Variants in ZFYVE28 observed in about 807,000 individuals in gnomAD.
ZFYVE28 encodes the protein zinc finger FYVE-type containing 28.
ZFYVE28 carries 40 observed loss-of-function variants against 82.1 expected under a neutral mutation model. The observed-to-expected ratio is 0.49, with a 90% confidence interval of 0.38 to 0.63. The LOEUF (loss-of-function observed/expected upper bound fraction) is 0.63. ZFYVE28 is among the 30% of genes least tolerant of loss of function. The pLI is 0.00. For missense variants in ZFYVE28, 1,321 were observed against 1,242.1 expected (o/e 1.06, Z -0.96); for synonymous variants, 612 against 546.1 (o/e 1.12, Z -1.68).
At position 2,305,358 on chromosome 4, in the gene ZFYVE28, C is replaced by G. The variant is rs745812629; in HGVS notation, c.982G>C (p.Asp328His). 1 of 1,612,770 alleles carries G rather than the reference C, an allele frequency of 6.2e-7. No homozygotes were observed. Among genetic ancestry groups the G allele is most frequent in the South Asian group, 1.1e-5 (1 of 91,052 alleles). The change falls in exon 8 of 13, where the codon GAT becomes CAT. Residue 328 changes from aspartate (D) to histidine (H), a missense_variant. Coordinates refer to ENST00000290974, the MANE Select transcript of ZFYVE28 (RefSeq NM_020972.3). ...TGCATGGAGCAGGCCAGCTCTGCAT[C>G]CGGGTCTTTGGCCTTAGCTGAGAGT... ...GPLSAKAKDP[D>H]AELACSMQYD...
Position 2,417,279 on chromosome 4 carries a change from G to T in ZFYVE28, c.39+1006C>A, listed in dbSNP as rs1733171135. On this transcript the variant is annotated intron_variant, in intron 1 of 12. Transcript: ENST00000290974. The surrounding 1 kb of genome is among the most constrained non-coding windows in gnomAD (Gnocchi z 4.8). ...CGCCGGCCCCAGGGTGCCACCCTCGGACGCCCAGATGCGCCCTGGACCCTG... is the reference window on the plus strand; with the variant it reads ...CGCCGGCCCCAGGGTGCCACCCTCGTACGCCCAGATGCGCCCTGGACCCTG... 6.6e-6 allele frequency among the ~76,000 whole-genome samples: 1 copy of T among 152,162 alleles called. No individual in the cohort carries two copies. The highest frequency in any genetic ancestry group is 2.4e-5 in the African/African-American group (1 of 41,456).
Position 2,320,230 on chromosome 4 carries a change from C to A in ZFYVE28, c.743G>T (p.Arg248Leu), listed in dbSNP as rs375076072. 1 of 1,613,982 alleles carries A rather than the reference C, an allele frequency of 6.2e-7. No individual in the cohort carries two copies. Among genetic ancestry groups the A allele is most frequent in the African/African-American group, 1.3e-5 (1 of 74,968 alleles). Residue 248 changes from arginine to leucine, a missense_variant, in exon 7 of 13, where the codon CGC becomes CTC. Transcript: ENST00000290974. This position sits in a 1 kb window ranked among gnomAD's most constrained non-coding sequence, Gnocchi z 5.1. Reference protein sequence around the residue: ...VYADGPLNLDRKVEDMSELFR... With the variant: ...VYADGPLNLDLKVEDMSELFR... ...CAGCTCGGACATGTCTTCCACCTTG[C>A]GGTCCAAGTTCAGAGGTCCGTCCGC...
Position 2,326,554 on chromosome 4 carries a change from A to AT in ZFYVE28, c.702-6284dup, listed in dbSNP as rs111812874. ...TTTATGGTTCTATATGAATTATAGG[A>AT]TTTTTTTCTCTTTCCATAAAAAAAA... On this transcript the variant is annotated intron_variant, in intron 6 of 12. Coordinates refer to ENST00000290974, the MANE Select transcript of ZFYVE28 (RefSeq NM_020972.3). Among the ~76,000 whole-genome samples, 573 of 152,120 alleles carry AT rather than the reference A, an allele frequency of 3.8e-3. 4 individuals are homozygous for AT. The highest frequency in any genetic ancestry group is 0.013 in the African/African-American group (543 of 41,486).
At chr4:2,283,758 T>G (rs922754193) in intron 8 of ZFYVE28, among the ~76,000 whole-genome samples, 1 of 152,138 alleles carries the variant, frequency 6.6e-6, no homozygotes, top group Non-Finnish European at 1.5e-5. Context: ...ATCAAGGGTG[T>G]TGTTGTGGGA....
At chr4:2,370,232 C>T (rs1250226685) in intron 1 of ZFYVE28, among the ~76,000 whole-genome samples, 2 of 152,134 alleles carry the variant, frequency 1.3e-5, no homozygotes, top group Admixed American at 1.3e-4. Flanking sequence ...CCCACAGCAC[C>T]ACGATTACCT....
At chr4:2,322,651 G>A (rs368955790) in intron 6 of ZFYVE28, among the ~76,000 whole-genome samples, 1 of 152,188 alleles carries the variant, frequency 6.6e-6, no homozygotes, top group Non-Finnish European at 1.5e-5. Context: ...ATGATTCTGA[G>A]GCATTTTCTG....
chr4:2,305,713 C>T (rs115272325), intron 7 of ZFYVE28, among the ~76,000 whole-genome samples, 177 bp from the exon 8 acceptor site: 20 of 152,344 alleles, frequency 1.3e-4, no homozygotes, highest in Non-Finnish European at 2.6e-4. Context: ...AACAAGGCTC[C>T]GGTCTCGCCG....
chr4:2,290,943 A>T (rs1013569706), intron 8 of ZFYVE28, among the ~76,000 whole-genome samples: 1 of 152,224 alleles, frequency 6.6e-6, no homozygotes, highest in African/African-American at 2.4e-5. Flanking sequence ...GGTCTGGGAA[A>T]CTATCCCTTT....
At chr4:2,281,022 CA>C (rs1711890224) in intron 8 of ZFYVE28, among the ~76,000 whole-genome samples, 1 of 152,220 alleles carries the variant, frequency 6.6e-6, no homozygotes, top group Non-Finnish European at 1.5e-5. Context: ...ACGGGTAGGT[CA>C]GATCGCTGAT....
chr4:2,306,822 C>T (rs143044824), intron 7 of ZFYVE28: 1 of 152,342 alleles, frequency 6.6e-6, no homozygotes, highest in Non-Finnish European at 1.5e-5. Flanking sequence ...ATAGGTCATT[C>T]ATTCTTGTGG....
rs182743397 is a variant in ZFYVE28, at chr4:2,273,990, C to T, written c.2206+72G>A. ...AGTGAGGGGGAGGTTGTACACGCCC[C>T]GCCTGACCTCCCCTAAAGCGCAGCC... On this transcript the variant is annotated intron_variant, in intron 9 of 12. Coordinates refer to ENST00000290974, the MANE Select transcript of ZFYVE28 (RefSeq NM_020972.3). 1,477 of 1,549,146 alleles carry T rather than the reference C, an allele frequency of 9.5e-4. 10 individuals carry two copies. The African/African-American group carries it at 0.016, about 17-fold the overall frequency.
At chr4:2,273,063 G>C in intron 10 of ZFYVE28, 110 bp downstream of exon 10, 2 of 880,902 alleles carry the variant, frequency 2.3e-6, no homozygotes, top group East Asian at 2.5e-5. Flanking sequence ...GCTTGGTCGG[G>C]ACCCTATCTC....
At chr4:2,324,057 C>T (rs1278273998) in intron 6 of ZFYVE28, among the ~76,000 whole-genome samples, 1 of 152,074 alleles carries the variant, frequency 6.6e-6, no homozygotes, top group Non-Finnish European at 1.5e-5. Context: ...GGAAGATTTA[C>T]CCTCTGTATC....
At chr4:2,365,993 A>G (rs1467897010) in intron 1 of ZFYVE28, among the ~76,000 whole-genome samples, 1 of 152,184 alleles carries the variant, frequency 6.6e-6, no homozygotes, top group Non-Finnish European at 1.5e-5. Context: ...ACCTGCTCGT[A>G]GGAAGCCAGG....
At chr4:2,359,778 C>T (rs1725854595) in intron 1 of ZFYVE28, among the ~76,000 whole-genome samples, 1 of 152,220 alleles carries the variant, frequency 6.6e-6, no homozygotes, top group Admixed American at 6.5e-5. Flanking sequence ...CAGACCCCTC[C>T]ATGCTGCAGT....
Position 2,271,357 on chromosome 4 carries a change from G to A in ZFYVE28, c.2486C>T (p.Pro829Leu). ...GTGCTTCCGGCGGATGACGGTGAAG[G>A]GTGCTTTGCACGCCGTGCAGAAGCC... is the stretch of plus-strand genomic sequence containing the variant. ...ACGFCTACKA[P>L]FTVIRRKHHC... is the part of the protein sequence containing the mutation. The change falls in exon 12 of 13, where the codon CCC becomes CTC. Residue 829 changes from proline (P) to leucine (L), a missense_variant. This residue lies in a region of ZFYVE28 where 978 missense variants were observed against 833.7 expected (regional missense o/e 1.17). Coordinates refer to ENST00000290974, the MANE Select transcript of ZFYVE28 (RefSeq NM_020972.3). 6.2e-7 allele frequency: 1 copy of A among 1,612,838 alleles called. No individual in the cohort carries two copies. The highest frequency in any genetic ancestry group is 8.5e-7 in the Non-Finnish European group (1 of 1,179,962).
chr4:2,380,116 A>G (rs1294001316), intron 1 of ZFYVE28, among the ~76,000 whole-genome samples: 1 of 152,222 alleles, frequency 6.6e-6, no homozygotes, highest in East Asian at 1.9e-4. Flanking sequence ...TTAGTATACA[A>G]TCGATCAAAC....
chr4:2,396,186 C>G (rs975677335), intron 1 of ZFYVE28, among the ~76,000 whole-genome samples: 3 of 32,020 alleles, frequency 9.4e-5, no homozygotes, highest in African/African-American at 2.8e-4. Flanking sequence ...GTGGGGGTGT[C>G]TGAGCTGATG....
At chr4:2,358,029 A>C (rs995934218) in intron 1 of ZFYVE28, among the ~76,000 whole-genome samples, 1 of 152,190 alleles carries the variant, frequency 6.6e-6, no homozygotes, top group Non-Finnish European at 1.5e-5. Context: ...GTCATCACAC[A>C]AAGCCCCGGA....
Sources: allele counts gnomAD v4.1 joint callset (sites outside exome capture counted in the v4.1 genomes callset), GRCh38; gene constraint gnomAD v4.1.1; regional missense constraint gnomAD v4.1.1; non-coding constraint Gnocchi (gnomAD v3.1); transcripts MANE v1.5; gene names NCBI Gene and HGNC (gene_info 2026-07-23, HGNC 2026-07-21).